Variants in ADCY6 observed in about 807,000 individuals in gnomAD.
ADCY6 encodes the protein adenylate cyclase type 6.
In ADCY6, 59 loss-of-function variants were observed where a neutral mutation model predicts 111.6. That is an observed-to-expected ratio of 0.53 (90% confidence interval 0.43 to 0.66). The LOEUF is 0.66. Among genes scored for constraint, ADCY6 ranks in the 30% least tolerant of loss-of-function variants. The pLI is 0.00. For missense variants in ADCY6, 1,242 were observed against 1,595.6 expected (o/e 0.78, Z 3.78); for synonymous variants, 576 against 642.9 (o/e 0.90, Z 1.57).
chr12:48,768,625 G>A lies in ADCY6; in HGVS notation c.3473C>T (p.Thr1158Ile). Residue 1158 changes from threonine to isoleucine, a missense_variant, in exon 22 of 22, where the codon ACC becomes ATC. Transcript: ENST00000357869. ...VVKVKGKGEM[T>I]TYFLNGGPSS Reference sequence around the variant, plus strand: ...GGGGCCCCCATTGAGGAAGTAGGTGGTCATCTCCCCCTTGCCCTTCACCTT... The same window carrying A: ...GGGGCCCCCATTGAGGAAGTAGGTGATCATCTCCCCCTTGCCCTTCACCTT... The A allele has an allele frequency of 6.2e-7, 1 of 1,614,102 alleles. No homozygotes were observed. Among genetic ancestry groups the A allele is most frequent in the South Asian group, 1.1e-5 (1 of 91,084 alleles).
intron 9 of ADCY6, 38 bp from the exon 10 acceptor site, chr12:48,775,736 C>T (rs1276807840): frequency 6.2e-7 from 1 of 1,604,904 alleles, no homozygotes; most frequent in Admixed American, 1.7e-5. Context: ...AGGTGAAGGG[C>T]CAACAACCTT....
intron 16 of ADCY6, among the ~76,000 whole-genome samples, chr12:48,772,767 G>A (rs180734790): frequency 5.3e-4 from 80 of 152,234 alleles, no homozygotes; most frequent in African/African-American, 1.8e-3. Flanking sequence ...GAGACAAGTC[G>A]CTTAACTCTC....
intron 2 of ADCY6, among the ~76,000 whole-genome samples, chr12:48,780,472 C>T (rs1047918393): frequency 1.4e-4 from 22 of 152,196 alleles, no homozygotes; most frequent in African/African-American, 5.1e-4. Flanking sequence ...GTATGGGCAG[C>T]TCTGGCCCCA....
In ADCY6 at chr12:48,782,727, A is replaced by G; in HGVS notation, c.708T>C (p.Ser236=). 1 of 1,599,366 alleles carries G rather than the reference A, an allele frequency of 6.3e-7. No individual in the cohort carries two copies. Residue 236 remains serine (S), a synonymous_variant, in exon 2 of 22, where the codon TCT becomes TCC. Coordinates refer to ENST00000357869, the MANE Select transcript of ADCY6 (RefSeq NM_015270.5). The surrounding 1 kb of genome is among the most constrained non-coding windows in gnomAD (Gnocchi z 4.3). ...AGAACACAGGGCACCAGAGGCCCGC[A>G]GAGGGGCTGCGCGGGTCTGCTGCGA... ...GALAADPRSP[S]AGLWCPVFFV...
chr12:48,776,038 C>G lies in ADCY6; in HGVS notation c.1731G>C (p.Met577Ile). The change falls in exon 9 of 22, where the codon ATG (methionine) becomes ATC (isoleucine). Residue 577 changes from methionine (M) to isoleucine (I), a missense_variant. Transcript: ENST00000357869. This position sits in a 1 kb window ranked among gnomAD's most constrained non-coding sequence, Gnocchi z 6.1. ...AKLQRTRANS[M>I]EGLMPRWVPD... The stretch of plus-strand genomic sequence containing the variant: ...GAACCCAGCGCGGCATCAGCCCTTC[C>G]ATGGAGTTGGCCCGAGTCCGCTGCA... The G allele has an allele frequency of 2.5e-6, 4 of 1,613,372 alleles. No individual in the cohort carries two copies. Among genetic ancestry groups the G allele is most frequent in the Non-Finnish European group, 3.4e-6 (4 of 1,179,646 alleles).
intron 2 of ADCY6, among the ~76,000 whole-genome samples, chr12:48,781,544 A>G (rs1004484825): frequency 6.6e-6 from 1 of 152,180 alleles, no homozygotes; most frequent in Non-Finnish European, 1.5e-5. Flanking sequence ...GACTTCCCAG[A>G]AACCCCTTCA....
In ADCY6 at chr12:48,771,688, C is replaced by T. The variant is rs761576657; in HGVS notation, c.3051+22G>A. On this transcript the variant is annotated intron_variant, in intron 19 of 21. Transcript: ENST00000357869. The surrounding 1 kb of genome is among the most constrained non-coding windows in gnomAD (Gnocchi z 4.3). ...CCAAGTACCCCCCACTCTCTGCCAC[C>T]ACCAGCCAACTGGAAAAGTACCTCA... 1 of 1,613,526 alleles carries T rather than the reference C, an allele frequency of 6.2e-7. No individual in the cohort carries two copies. The highest frequency in any genetic ancestry group is 1.1e-5 in the South Asian group (1 of 91,076).
At position 48,777,547 on chromosome 12, in the gene ADCY6, A is replaced by G. The variant is rs1941736353; in HGVS notation, c.1137-26T>C. On this transcript the variant is annotated intron_variant, in intron 4 of 21. Transcript: ENST00000357869. This position sits in a 1 kb window ranked among gnomAD's most constrained non-coding sequence, Gnocchi z 4.9. ...CTGTAGATGACAGCAGAGGATGAAC[A>G]GAACACATAGCCCTCAAAGACTTCC... The G allele has an allele frequency of 1.9e-6, 3 of 1,614,170 alleles. No individual in the cohort carries two copies. The highest frequency in any genetic ancestry group is 8.5e-7 in the Non-Finnish European group (1 of 1,179,970).
Position 48,775,297 on chromosome 12 carries a change from T to G in ADCY6, c.1980+6A>C. On this transcript the variant is annotated splice_donor_region_variant and intron_variant, in intron 11 of 21. Transcript: ENST00000357869. ...CCCTTGTCCTTCTGCCCTGTATCCC[T>G]CAAACCTTCTTCTCAAGATCCTCTC... 1 of 1,613,868 alleles carries G rather than the reference T, an allele frequency of 6.2e-7. No homozygotes were observed. The highest frequency in any genetic ancestry group is 8.5e-7 in the Non-Finnish European group (1 of 1,179,948).
rs576553707 is a variant in ADCY6 at position 48,789,074 on chromosome 12, A to G, written c.-173T>C. 48 of 146,492 alleles carry G rather than the reference A, an allele frequency of 3.3e-4. No homozygotes were observed. In the South Asian group the frequency reaches 9.1e-3, roughly 28 times the overall value. 9.1% of individuals were successfully genotyped at this position (146,492 alleles called of 1,614,324 possible). The stretch of plus-strand genomic sequence containing the variant: ...GCCCTCGCCCCCTCCCGAGCTGTCC[A>G]GCGCAGCCGCCCTCTACCCCGGATC... On this transcript the variant is annotated 5_prime_UTR_variant, in exon 1 of 22. Transcript: ENST00000357869.
At chr12:48,770,735 G>A in intron 20 of ADCY6, 31 bp downstream of exon 20, 1 of 1,605,546 alleles carries the variant, frequency 6.2e-7, no homozygotes, top group Non-Finnish European at 8.5e-7. Flanking sequence ...AAAGTCCTGG[G>A]AAAACCCGCC....
chr12:48,782,733 G>A lies in ADCY6; in HGVS notation c.702C>T (p.Ser234=). The change falls in exon 2 of 22, where the codon AGC becomes AGT. Residue 234 remains serine (S), a synonymous_variant. Transcript: ENST00000357869. The surrounding 1 kb of genome is among the most constrained non-coding windows in gnomAD (Gnocchi z 4.3). ...CAGGGCACCAGAGGCCCGCAGAGGG[G>A]CTGCGCGGGTCTGCTGCGAGAGCGC... ...VGGALAADPR[S]PSAGLWCPVF... is the part of the protein sequence containing the mutation. 1.2e-6 allele frequency: 2 copies of A among 1,600,754 alleles called. No individual in the cohort carries two copies. Among genetic ancestry groups the A allele is most frequent in the South Asian group, 1.1e-5 (1 of 89,602 alleles).
At chr12:48,782,000 T>G (rs1013251924) in intron 2 of ADCY6, among the ~76,000 whole-genome samples, 13 of 152,104 alleles carry the variant, frequency 8.5e-5, no homozygotes, top group African/African-American at 3.1e-4. Context: ...TGACCCCAGC[T>G]CTTCACCTTC....
At chr12:48,775,920 C>G in intron 9 of ADCY6, 43 bp downstream of exon 9, 1 of 1,569,666 alleles carries the variant, frequency 6.4e-7, no homozygotes, top group South Asian at 1.2e-5. Context: ...ATTGAGGGAG[C>G]TAAGAAAATG....
rs781510708 is a variant in ADCY6 at position 48,776,513 on chromosome 12, C to T, written c.1450G>A (p.Val484Ile). ...GIHSGRVHCGVLGLRKWQFDV... is the reference protein window; with the variant it reads ...GIHSGRVHCGILGLRKWQFDV... ...AACTGCCATTTCCGCAAGCCAAGGA[C>T]GCCGCAGTGCACGCGCCCGCTGTGG... Residue 484 changes from valine (V) to isoleucine (I), a missense_variant, in exon 7 of 22, where the codon GTC becomes ATC. Physicochemically the swap from Val to Ile is conservative, Grantham distance 29. Around this residue, in one of 4 missense-constraint regions of ADCY6, gnomAD observed 260 missense variants for 414.6 expected, o/e 0.63. Coordinates refer to ENST00000357869, the MANE Select transcript of ADCY6 (RefSeq NM_015270.5). This position sits in a 1 kb window ranked among gnomAD's most constrained non-coding sequence, Gnocchi z 6.1. 3.1e-5 allele frequency: 50 copies of T among 1,613,830 alleles called. No homozygotes were observed. The highest frequency in any genetic ancestry group is 4.0e-5 in the Non-Finnish European group (47 of 1,180,032).
chr12:48,776,451 G>T lies in ADCY6; in HGVS notation c.1512C>A (p.His504Gln). ...VWSNDVTLAN[H>Q]MEAGGRAGRI... Reference sequence around the variant, plus strand: ...ACCCAGCCCGGCCTCCTGCCTCCATGTGGTTGGCCAGGGTCACATCATTGG... The same window carrying T: ...ACCCAGCCCGGCCTCCTGCCTCCATTTGGTTGGCCAGGGTCACATCATTGG... The change falls in exon 7 of 22, where the codon CAC becomes CAA. Residue 504 changes from histidine to glutamine, a missense_variant. His to Gln is a conservative substitution (Grantham distance 24). Coordinates refer to ENST00000357869, the MANE Select transcript of ADCY6 (RefSeq NM_015270.5). This position sits in a 1 kb window ranked among gnomAD's most constrained non-coding sequence, Gnocchi z 6.1. 1 of 1,609,208 alleles carries T rather than the reference G, an allele frequency of 6.2e-7. No individual in the cohort carries two copies. The highest frequency in any genetic ancestry group is 8.5e-7 in the Non-Finnish European group (1 of 1,179,346).
intron 13 of ADCY6, 60 bp downstream of exon 13, chr12:48,774,631 T>C: frequency 1.3e-6 from 2 of 1,587,634 alleles, no homozygotes; most frequent in Non-Finnish European, 1.7e-6. Flanking sequence ...CCATGTGACC[T>C]CCTCCCTGTC....
At position 48,768,168 on chromosome 12, in the gene ADCY6, A is replaced by T. The variant is rs908707577; in HGVS notation, c.*423T>A. 2.3e-5 allele frequency: 6 copies of T among 264,004 alleles called. No individual in the cohort carries two copies. Among genetic ancestry groups the T allele is most frequent in the Non-Finnish European group, 4.5e-5 (6 of 134,688 alleles). 16.4% of individuals were successfully genotyped at this position (264,004 alleles called of 1,614,324 possible). On this transcript the variant is annotated 3_prime_UTR_variant, in exon 22 of 22. Transcript: ENST00000357869. Reference sequence around the variant, plus strand: ...CCTCATGCCTGTCTTTGTACAAAATATTGTACAAAATATTCCCAGGAAAAA... The same window carrying T: ...CCTCATGCCTGTCTTTGTACAAAATTTTGTACAAAATATTCCCAGGAAAAA...
In ADCY6 at chr12:48,783,114, C is replaced by A. The variant is rs148650932; in HGVS notation, c.321G>T (p.Ala107=). ...TTTAGGTAEV[A]PDAVPRSGRS... ...GCCCACTCCTGGGCACCGCGTCGGGCGCCACCTCAGCCGTCCCGCCCGCTG... is the reference window on the plus strand; with the variant it reads ...GCCCACTCCTGGGCACCGCGTCGGGAGCCACCTCAGCCGTCCCGCCCGCTG... Residue 107 remains alanine, a synonymous_variant, in exon 2 of 22, where the codon GCG becomes GCT. Transcript: ENST00000357869. The A allele has an allele frequency of 7.6e-5, 123 of 1,609,732 alleles. No individual in the cohort carries two copies. The African/African-American group carries it at 1.4e-3, about 18-fold the overall frequency.
Sources: allele counts gnomAD v4.1 joint callset (sites outside exome capture counted in the v4.1 genomes callset), GRCh38; gene constraint gnomAD v4.1.1; regional missense constraint gnomAD v4.1.1; non-coding constraint Gnocchi (gnomAD v3.1); transcripts MANE v1.5; gene names NCBI Gene and HGNC (gene_info 2026-07-23, HGNC 2026-07-21).